CSMD2: variants seen among roughly 807,000 people sequenced by gnomAD.
CSMD2 encodes CUB and Sushi multiple domains 2.
A neutral mutation model predicts 398.5 loss-of-function variants in CSMD2; 130 were observed. The observed-to-expected ratio is 0.33, with a 90% CI of 0.28 to 0.38. CSMD2 has a LOEUF of 0.38. Ranked by LOEUF, CSMD2 falls within the 10% of genes least tolerant of loss-of-function variation. The pLI, the probability that CSMD2 is intolerant of heterozygous loss-of-function variation, is 1.00. For missense variants in CSMD2, 3,829 were observed against 4,764.9 expected (o/e 0.80, Z 5.78); for synonymous variants, 1,828 against 1,908.5 (o/e 0.96, Z 1.10).
Position 33,929,432 on chromosome 1 carries a change from C to CTTTTTTTTTTTTTTTTTTTT in CSMD2, c.712+6308_712+6327dup, listed in dbSNP as rs936900076. On this transcript the variant is annotated intron_variant, in intron 4 of 70. Transcript: ENST00000373381. ...TCCTGAACTCAGAACCAAGCCTATACTTTTTTTTTTTTTTTTTTTTTTTGA... is the reference window on the plus strand; with the variant it reads ...TCCTGAACTCAGAACCAAGCCTATACTTTTTTTTTTTTTTTTTTTTTTTTTTTTTTTTTTTTTTTTTTTGA... Among the ~76,000 whole-genome samples, 8 of 100,666 alleles carry CTTTTTTTTTTTTTTTTTTTT rather than the reference C, an allele frequency of 7.9e-5. 2 individuals are homozygous for CTTTTTTTTTTTTTTTTTTTT. The highest frequency in any genetic ancestry group is 3.5e-4 in the African/African-American group (8 of 22,550). The allele number at this position is 100,666 out of a possible 152,430, so 66.0% of individuals were successfully genotyped here.
chr1:33,724,741 A>G (rs1646472896), intron 17 of CSMD2, 37 bp from the exon 18 acceptor site: 1 of 1,587,358 alleles, frequency 6.3e-7, no homozygotes, highest in Admixed American at 1.7e-5. Flanking sequence ...CAGACAGCTT[A>G]CTGTCACTAC....
rs775577037 is a variant in CSMD2 at position 33,825,697 on chromosome 1, A to T, written c.1111T>A (p.Leu371Ile). The change falls in exon 7 of 71, where the codon TTA (leucine) becomes ATA (isoleucine). Residue 371 changes from leucine to isoleucine, a missense_variant and splice_region_variant. By Grantham distance (5) the Leu-to-Ile change is conservative. Around this residue, in one of 5 missense-constraint regions of CSMD2, gnomAD observed 2,001 missense variants for 2,567.1 expected, o/e 0.78. Transcript: ENST00000373381. ...SKDNSQKTSVLTQVGVSQGHN... is the reference protein window; with the variant it reads ...SKDNSQKTSVITQVGVSQGHN... ...GGCGGGCTGGCGGGCGGACACTTAC[A>T]CACAGACGTCTTCTGGCTGTTGTCT... The T allele has an allele frequency of 7.3e-5, 117 of 1,607,016 alleles. No individual in the cohort carries two copies. Among genetic ancestry groups the T allele is most frequent in the Non-Finnish European group, 8.0e-5 (94 of 1,176,774 alleles).
At chr1:34,146,984 G>A (rs1017776191) in intron 1 of CSMD2, among the ~76,000 whole-genome samples, 11 of 152,152 alleles carry the variant, frequency 7.2e-5, no homozygotes, top group South Asian at 2.1e-4. Flanking sequence ...AAGGCCTGGC[G>A]CGGTGGCTCA....
At chr1:34,055,152 CAAT>C (rs1274959811) in intron 2 of CSMD2, among the ~76,000 whole-genome samples, 3 of 152,118 alleles carry the variant, frequency 2.0e-5, no homozygotes. Flanking sequence ...CCCCAAACAA[CAAT>C]AACAATAAAC....
chr1:33,675,253 G>A (rs1236281343), intron 25 of CSMD2, among the ~76,000 whole-genome samples: 5 of 151,966 alleles, frequency 3.3e-5, no homozygotes, highest in African/African-American at 1.2e-4. Flanking sequence ...TCAAATAGAT[G>A]CAATAAAAAA....
chr1:34,079,985 A>G (rs1449502771), intron 2 of CSMD2, among the ~76,000 whole-genome samples: 1 of 152,050 alleles, frequency 6.6e-6, no homozygotes, highest in Non-Finnish European at 1.5e-5. Flanking sequence ...AAATTTAACT[A>G]CTGTGTATAT....
chr1:33,739,182 C>T lies in CSMD2; in HGVS notation c.2326G>A (p.Glu776Lys), dbSNP rs1378526818. 6.2e-7 allele frequency: 1 copy of T among 1,614,062 alleles called. No individual in the cohort carries two copies. The highest frequency in any genetic ancestry group is 8.5e-7 in the Non-Finnish European group (1 of 1,180,034). ...GCGCTGTTCCAGACCACGCTGCCCT[C>T]CTTCAGGACGCAGGTGATGGTCTCT... Reference protein sequence around the residue: ...GSETITCVLKEGSVVWNSAVL... With the variant: ...GSETITCVLKKGSVVWNSAVL... Residue 776 changes from glutamate (E) to lysine (K), a missense_variant, in exon 15 of 71, where the codon GAG becomes AAG. Physicochemically the swap from Glu to Lys is moderately conservative, Grantham distance 56. Transcript: ENST00000373381.
intron 2 of CSMD2, among the ~76,000 whole-genome samples, chr1:34,047,580 C>T (rs184878758): frequency 1.4e-4 from 21 of 152,268 alleles, no homozygotes; most frequent in Non-Finnish European, 2.9e-4. Context: ...TTTCTATCCA[C>T]TTAGTTCACT....
chr1:34,126,783 T>A (rs142306985), intron 1 of CSMD2, among the ~76,000 whole-genome samples: 1 of 87,700 alleles, frequency 1.1e-5, no homozygotes, highest in African/African-American at 4.0e-5. Flanking sequence ...AAGGAGAGAC[T>A]CGGGGAGAGA....
chr1:33,918,520 G>C (rs1643838991), intron 4 of CSMD2, among the ~76,000 whole-genome samples: 1 of 152,194 alleles, frequency 6.6e-6, no homozygotes. Context: ...GAATGAGTAG[G>C]AGTTCACTAG....
intron 3 of CSMD2, among the ~76,000 whole-genome samples, chr1:33,950,261 C>A (rs757999178): frequency 1.2e-4 from 18 of 152,108 alleles, no homozygotes; most frequent in South Asian, 4.1e-4. Flanking sequence ...TGGTGTCAAG[C>A]TCTAGAATAT....
rs576531004 is a variant in CSMD2 at position 33,951,056 on chromosome 1, C to T, written c.518-15102G>A. 2.6e-5 allele frequency among the ~76,000 whole-genome samples: 4 copies of T among 152,308 alleles called. No individual in the cohort carries two copies. The South Asian group carries it at 6.2e-4, about 24-fold the overall frequency. ...CCCCAATTTCTCTTTCCCCTTGGTC[C>T]TCTATCTGACAATCTGACCCACAGT... is the stretch of plus-strand genomic sequence containing the variant. On this transcript the variant is annotated intron_variant, in intron 3 of 70. Transcript: ENST00000373381.
At chr1:33,831,341 AT>A (rs1179167254) in intron 6 of CSMD2, among the ~76,000 whole-genome samples, 1 of 152,212 alleles carries the variant, frequency 6.6e-6, no homozygotes, top group Non-Finnish European at 1.5e-5. Flanking sequence ...GTCAGAAGAA[AT>A]TGGGGGCCAA....
chr1:33,570,000 AT>A (rs1280146427), intron 51 of CSMD2, among the ~76,000 whole-genome samples: 1 of 152,178 alleles, frequency 6.6e-6, no homozygotes, highest in East Asian at 1.9e-4. Flanking sequence ...TGGCTGATGT[AT>A]GAGGTGAGGC....
Position 34,030,044 on chromosome 1 carries a change from G to A in CSMD2, c.517+2550C>T, listed in dbSNP as rs192712118. 1.6e-4 allele frequency among the ~76,000 whole-genome samples: 25 copies of A among 152,300 alleles called. 1 individual carries two copies. The highest frequency in any genetic ancestry group is 5.8e-4 in the African/African-American group (24 of 41,564). ...GAATCACCGGCCTCTTTGTGAATCC[G>A]ATGAAAGCTCCAGCTCAGCTCTGTC... On this transcript the variant is annotated intron_variant, in intron 3 of 70. Coordinates refer to ENST00000373381, the MANE Select transcript of CSMD2 (RefSeq NM_001281956.2).
At chr1:33,735,641 C>A (rs528865577) in intron 15 of CSMD2, among the ~76,000 whole-genome samples, 2 of 152,070 alleles carry the variant, frequency 1.3e-5, no homozygotes, top group African/African-American at 4.8e-5. Context: ...AAAAGTTTGC[C>A]GACCCCTGCT....
chr1:33,993,696 A>G (rs1646635212), intron 3 of CSMD2, among the ~76,000 whole-genome samples: 1 of 152,116 alleles, frequency 6.6e-6, no homozygotes, highest in South Asian at 2.1e-4. Flanking sequence ...TCATAACTCT[A>G]TACTATCTAG....
intron 9 of CSMD2, among the ~76,000 whole-genome samples, chr1:33,816,453 G>A (rs1245587707): frequency 1.3e-5 from 2 of 152,176 alleles, no homozygotes; most frequent in African/African-American, 4.8e-5. Context: ...AAATGGTGAT[G>A]GAGGGGAGAC....
intron 49 of CSMD2, among the ~76,000 whole-genome samples, chr1:33,573,475 G>A (rs190750473): frequency 1.2e-3 from 175 of 151,158 alleles, no homozygotes; most frequent in African/African-American, 4.2e-3. Flanking sequence ...GGTGACATAC[G>A]GTACTCATAA....
Sources: allele counts gnomAD v4.1 joint callset (sites outside exome capture counted in the v4.1 genomes callset), GRCh38; gene constraint gnomAD v4.1.1; regional missense constraint gnomAD v4.1.1; transcripts MANE v1.5; gene names NCBI Gene and HGNC (gene_info 2026-07-23, HGNC 2026-07-21).